Variants in AGBL1 observed in about 807,000 individuals in gnomAD.
AGBL1 encodes AGBL carboxypeptidase 1.
In AGBL1, 130 loss-of-function variants were observed where a neutral mutation model predicts 118.9. The observed-to-expected ratio is 1.09, with a 90% CI of 0.95 to 1.26. The LOEUF is 1.26. AGBL1 is among the 50% of genes most tolerant of loss of function. The probability of loss-of-function intolerance (pLI) is 0.00; values close to 1 mark genes in which losing one functional copy is unlikely to be tolerated. For missense variants in AGBL1, 1,584 were observed against 1,298.1 expected (o/e 1.22, Z -3.38); for synonymous variants, 555 against 478.9 (o/e 1.16, Z -2.08).
intron 22 of AGBL1, among the ~76,000 whole-genome samples, chr15:86,842,649 A>G (rs1343453374): frequency 2.0e-5 from 3 of 152,206 alleles, no homozygotes; most frequent in Non-Finnish European, 4.4e-5. Flanking sequence ...AGTGAGGAGT[A>G]TGCTTCATGC....
chr15:86,457,538 A>G (rs940296606), intron 18 of AGBL1, among the ~76,000 whole-genome samples: 2 of 152,180 alleles, frequency 1.3e-5, no homozygotes, highest in African/African-American at 4.8e-5. Flanking sequence ...TTTTAGAGTC[A>G]GGAAAGTATG....
intron 24 of AGBL1, among the ~76,000 whole-genome samples, chr15:87,012,292 G>C (rs1016242605): frequency 3.3e-5 from 5 of 150,850 alleles, no homozygotes; most frequent in African/African-American, 9.7e-5. Flanking sequence ...CAAGAATGTA[G>C]TAACATAAAG....
chr15:86,470,676 G>A (rs74413151), intron 18 of AGBL1, among the ~76,000 whole-genome samples: 4,434 of 152,102 alleles, frequency 0.029, 111 homozygotes, highest in Non-Finnish European at 0.041. Context: ...AACATGAGAC[G>A]TCTTCCCATT....
At chr15:86,572,716 T>C (rs984127361) in intron 21 of AGBL1, among the ~76,000 whole-genome samples, 4 of 152,186 alleles carry the variant, frequency 2.6e-5, no homozygotes, top group Admixed American at 2.6e-4. Context: ...TCGCCACAGC[T>C]GCTCCCGCAG....
At chr15:86,847,452 C>A (rs549660791) in intron 22 of AGBL1, among the ~76,000 whole-genome samples, 2 of 152,190 alleles carry the variant, frequency 1.3e-5, no homozygotes, top group Non-Finnish European at 2.9e-5. Flanking sequence ...TGGTAACTTG[C>A]TTTGACTAAG....
chr15:86,715,910 T>C (rs2086630756), intron 22 of AGBL1, among the ~76,000 whole-genome samples: 1 of 151,500 alleles, frequency 6.6e-6, no homozygotes, highest in Non-Finnish European at 1.5e-5. Context: ...ATACAAAAAA[T>C]TAGTCAGGCG....
At chr15:86,647,079 C>G (rs1348936369) in intron 21 of AGBL1, among the ~76,000 whole-genome samples, 1 of 151,934 alleles carries the variant, frequency 6.6e-6, no homozygotes, top group Non-Finnish European at 1.5e-5. Flanking sequence ...TTAAAATACA[C>G]AAATGAAAGT....
intron 22 of AGBL1, among the ~76,000 whole-genome samples, chr15:86,690,443 G>A (rs1026746599): frequency 2.0e-4 from 30 of 152,070 alleles, no homozygotes; most frequent in African/African-American, 7.0e-4. Flanking sequence ...AAATCCATTC[G>A]TTTTCATTTA....
chr15:86,428,096 T>C (rs1263048391), intron 18 of AGBL1, among the ~76,000 whole-genome samples: 1 of 152,184 alleles, frequency 6.6e-6, no homozygotes, highest in Non-Finnish European at 1.5e-5. Context: ...CCAGCATGCT[T>C]TTCAATTTAA....
intron 23 of AGBL1, among the ~76,000 whole-genome samples, chr15:86,935,632 C>T (rs1049518304): frequency 2.0e-5 from 3 of 152,190 alleles, no homozygotes; most frequent in Non-Finnish European, 2.9e-5. Flanking sequence ...GTTTCCCATG[C>T]TCTACTGGTG....
chr15:86,322,320 G>T (rs1301069003), intron 17 of AGBL1, among the ~76,000 whole-genome samples: 1 of 151,598 alleles, frequency 6.6e-6, no homozygotes, highest in African/African-American at 2.4e-5. Flanking sequence ...TACCTATTTT[G>T]AGACTATGAT....
intron 22 of AGBL1, among the ~76,000 whole-genome samples, chr15:86,891,768 G>T (rs1041705170): frequency 2.0e-5 from 3 of 152,032 alleles, no homozygotes; most frequent in Non-Finnish European, 2.9e-5. Context: ...AACTTCTCCT[G>T]GTCCCTTAGC....
rs549763647 is a variant in AGBL1 at position 86,572,164 on chromosome 15, G to A, written c.2994+17627G>A. On this transcript the variant is annotated intron_variant, in intron 21 of 22. Coordinates refer to ENST00000614907, the MANE Select transcript of AGBL1 (RefSeq NM_001386094.1). ...GGGGAGAAGGCAGGCAGTGGGAGCA[G>A]GCACTTCCGGGCCCGCAGGGGGAAG... Among the ~76,000 whole-genome samples the A allele has an allele frequency of 3.9e-4, 60 of 152,282 alleles. No individual in the cohort carries two copies. In the South Asian group the frequency reaches 0.01, roughly 26 times the overall value.
intron 7 of AGBL1, among the ~76,000 whole-genome samples, chr15:86,253,484 C>A (rs1342264339): frequency 1.3e-5 from 2 of 152,002 alleles, no homozygotes; most frequent in African/African-American, 4.8e-5. Context: ...CTCTTGATGT[C>A]GTGATCCACC....
chr15:86,788,846 G>T (rs1170190824), intron 22 of AGBL1, among the ~76,000 whole-genome samples: 1 of 152,102 alleles, frequency 6.6e-6, no homozygotes, highest in Non-Finnish European at 1.5e-5. Context: ...ACAAAATTCA[G>T]AAGAATATCA....
chr15:86,240,935 T>C lies in AGBL1; in HGVS notation c.527-6736T>C, dbSNP rs74025040. On this transcript the variant is annotated intron_variant, in intron 6 of 22. Coordinates refer to ENST00000614907, the MANE Select transcript of AGBL1 (RefSeq NM_001386094.1). ...AAACATGTAACTGCTATCAGTCACA[T>C]GGATCTTAGAAGATTAACTAATCTC... Among the ~76,000 whole-genome samples, 1,310 of 152,316 alleles carry C rather than the reference T, an allele frequency of 8.6e-3. 22 individuals carry two copies. Among genetic ancestry groups the C allele is most frequent in the African/African-American group, 0.03 (1,253 of 41,556 alleles).
chr15:86,971,885 T>G (rs2081112405), intron 23 of AGBL1, among the ~76,000 whole-genome samples: 1 of 151,926 alleles, frequency 6.6e-6, no homozygotes, highest in Non-Finnish European at 1.5e-5. Context: ...CTCATGATAG[T>G]GAGTTCTCAG....
chr15:86,364,803 G>T (rs1250914778), intron 17 of AGBL1, among the ~76,000 whole-genome samples: 1 of 150,780 alleles, frequency 6.6e-6, no homozygotes, highest in Non-Finnish European at 1.5e-5. Context: ...AACCTGGTAG[G>T]GTCTTCATTT....
chr15:86,837,410 C>A (rs1031989419), intron 22 of AGBL1, among the ~76,000 whole-genome samples: 18 of 152,092 alleles, frequency 1.2e-4, no homozygotes, highest in African/African-American at 4.3e-4. Context: ...AGCCTCCAGG[C>A]CAAATTTGGC....
Sources: allele counts gnomAD v4.1 joint callset (sites outside exome capture counted in the v4.1 genomes callset), GRCh38; gene constraint gnomAD v4.1.1; transcripts MANE v1.5; gene names NCBI Gene and HGNC (gene_info 2026-07-23, HGNC 2026-07-21).